STK33: variants seen among roughly 807,000 people sequenced by gnomAD.
STK33 encodes the protein serine/threonine-protein kinase 33.
A neutral mutation model predicts 58.0 loss-of-function variants in STK33; 52 were observed. The ratio of observed to expected loss-of-function variants is 0.90; its 90% CI spans 0.72 to 1.13. The LOEUF is 1.13. Among genes scored for constraint, STK33 ranks in the 50% most tolerant of loss-of-function variants. The pLI, the probability that STK33 is intolerant of heterozygous loss-of-function variation, is 0.00. For missense variants in STK33, 630 were observed against 604.2 expected, an observed-to-expected ratio of 1.04 and a Z score of -0.45; for synonymous variants, 215 against 200.1, an observed-to-expected ratio of 1.07 and a Z score of -0.63.
intron 1 of STK33, among the ~76,000 whole-genome samples, chr11:8,522,116 T>C (rs1157501234): frequency 6.6e-6 from 1 of 152,204 alleles, no homozygotes; most frequent in Non-Finnish European, 1.5e-5. Context: ...CCCAGCCATC[T>C]CATTACTGGG....
At chr11:8,393,142 T>A (rs1406943169) in intron 15 of STK33, among the ~76,000 whole-genome samples, 2 of 152,204 alleles carry the variant, frequency 1.3e-5, no homozygotes, top group Non-Finnish European at 1.5e-5. Context: ...CACACTCACA[T>A]CCCCACTATC....
the STK33 span, among the ~76,000 whole-genome samples, chr11:8,381,102 T>C: frequency 6.6e-6 from 1 of 152,134 alleles, no homozygotes; most frequent in Non-Finnish European, 1.5e-5. Flanking sequence ...TAATGGACTA[T>C]GGAGATTCAG....
chr11:8,493,239 G>C (rs1394085725), intron 1 of STK33, among the ~76,000 whole-genome samples: 1 of 151,920 alleles, frequency 6.6e-6, no homozygotes, highest in Non-Finnish European at 1.5e-5. Context: ...GAATCAAATA[G>C]ACACAATAAA....
intron 15 of STK33, among the ~76,000 whole-genome samples, chr11:8,395,967 A>G (rs560069781): frequency 6.6e-6 from 1 of 152,324 alleles, no homozygotes; most frequent in African/African-American, 2.4e-5. Flanking sequence ...AATACATGTT[A>G]AAACTAATAC....
At chr11:8,477,972 C>T (rs1180089903) in intron 2 of STK33, among the ~76,000 whole-genome samples, 1 of 152,172 alleles carries the variant, frequency 6.6e-6, no homozygotes, top group Non-Finnish European at 1.5e-5. Flanking sequence ...TCTAAAACAA[C>T]AGGTTGAATA....
downstream of STK33, among the ~76,000 whole-genome samples, chr11:8,391,647 T>C (rs1359793737): frequency 6.6e-6 from 1 of 152,166 alleles, no homozygotes; most frequent in Admixed American, 6.5e-5. Flanking sequence ...CAAAGGAAAG[T>C]AGCTATTCAA....
At chr11:8,406,742 C>A (rs1414487462) in intron 15 of STK33, among the ~76,000 whole-genome samples, 1 of 151,938 alleles carries the variant, frequency 6.6e-6, no homozygotes, top group Non-Finnish European at 1.5e-5. Context: ...TTTGTAGATT[C>A]CTTGGGATTT....
At chr11:8,480,244 G>C (rs1321020231) in intron 2 of STK33, among the ~76,000 whole-genome samples, 166 bp downstream of exon 2, 1 of 152,188 alleles carries the variant, frequency 6.6e-6, no homozygotes, top group East Asian at 1.9e-4. Flanking sequence ...TTGAGTAGAG[G>C]CTGGAGCATC....
intron 14 of STK33, chr11:8,434,007 G>A (rs1338621212): frequency 6.5e-6 from 1 of 152,776 alleles, no homozygotes; most frequent in Non-Finnish European, 1.5e-5. Flanking sequence ...GGCAGATGAT[G>A]AGGCCAAGAG....
At chr11:8,526,306 C>T (rs1369500820) in intron 1 of STK33, among the ~76,000 whole-genome samples, 4 of 151,772 alleles carry the variant, frequency 2.6e-5, no homozygotes, top group East Asian at 1.9e-4. Flanking sequence ...GCAGGAGAAT[C>T]GCTTGAACCC....
the STK33 span, among the ~76,000 whole-genome samples, chr11:8,352,745 A>C: frequency 6.6e-6 from 1 of 152,228 alleles, no homozygotes; most frequent in African/African-American, 2.4e-5. Flanking sequence ...TTAATATAAA[A>C]GCAGATTAAG....
At chr11:8,582,670 T>C (rs112251002) in intron 1 of STK33, among the ~76,000 whole-genome samples, 9,870 of 152,278 alleles carry the variant, frequency 0.065, 351 homozygotes, top group Non-Finnish European at 0.071. Flanking sequence ...AATATGAGAT[T>C]TGGGTGGGGA....
At chr11:8,503,439 G>C (rs566302782) in intron 1 of STK33, among the ~76,000 whole-genome samples, 65 of 152,224 alleles carry the variant, frequency 4.3e-4, no homozygotes, top group African/African-American at 1.5e-3. Flanking sequence ...ACACAAAGAA[G>C]GGAACAATAG....
At chr11:8,456,206 C>T (rs553209508) in intron 9 of STK33, among the ~76,000 whole-genome samples, 4 of 152,224 alleles carry the variant, frequency 2.6e-5, no homozygotes, top group South Asian at 4.1e-4. Context: ...ATATTAAGCC[C>T]TTGAAAAAAT....
intron 1 of STK33, among the ~76,000 whole-genome samples, chr11:8,487,993 G>T (rs1021877915): frequency 6.6e-6 from 1 of 152,050 alleles, no homozygotes; most frequent in Non-Finnish European, 1.5e-5. Flanking sequence ...AAAAATAATC[G>T]TGAAAAGTAA....
chr11:8,408,750 G>A (rs1939699068), intron 15 of STK33, among the ~76,000 whole-genome samples: 1 of 152,190 alleles, frequency 6.6e-6, no homozygotes, highest in South Asian at 2.1e-4. Context: ...TTATTACAGT[G>A]CAAGGATGCA....
chr11:8,457,494 A>G lies in STK33; in HGVS notation c.559-15T>C, dbSNP rs367899979. On this transcript the variant is annotated splice_polypyrimidine_tract_variant and intron_variant, in intron 8 of 15. Coordinates refer to ENST00000687296, the MANE Select transcript of STK33 (RefSeq NM_001352389.2). ...AGGTACATTTTCTGACATTATATATATAAAAGAGAGAGAGAGCAAATTATA... is the reference window on the plus strand; with the variant it reads ...AGGTACATTTTCTGACATTATATATGTAAAAGAGAGAGAGAGCAAATTATA... 10 of 1,566,326 alleles carry G rather than the reference A, an allele frequency of 6.4e-6. No homozygotes were observed. In the African/African-American group the frequency reaches 1.2e-4, roughly 19 times the overall value.
intron 1 of STK33, among the ~76,000 whole-genome samples, chr11:8,590,255 G>A (rs1241916083): frequency 6.6e-6 from 1 of 152,078 alleles, no homozygotes; most frequent in African/African-American, 2.4e-5. Flanking sequence ...ATAATCATCA[G>A]CTCATGTTAA....
chr11:8,542,829 T>A (rs368102479), intron 1 of STK33, among the ~76,000 whole-genome samples: 1 of 151,984 alleles, frequency 6.6e-6, no homozygotes, highest in Non-Finnish European at 1.5e-5. Flanking sequence ...CCCCACTTAG[T>A]CTCCTGAGTA....
Sources: gnomAD v4.1 joint callset for allele counts (sites outside exome capture counted in the v4.1 genomes callset) on GRCh38, gnomAD v4.1.1 for gene constraint, MANE v1.5 for transcripts, NCBI Gene and HGNC (gene_info 2026-07-23, HGNC 2026-07-21) for gene names.